The following RRM2 variants were observed in gnomAD, a reference collection of about 807,000 sequenced individuals.
RRM2 encodes ribonucleoside-diphosphate reductase subunit M2.
A neutral mutation model predicts 45.9 loss-of-function variants in RRM2; 6 were observed. That is an observed-to-expected ratio of 0.13 (90% CI 0.07 to 0.26). RRM2 has a LOEUF of 0.26. RRM2 is among the 10% of genes least tolerant of loss of function. The pLI, the probability that RRM2 is intolerant of heterozygous loss-of-function variation, is 1.00. For synonymous variants in RRM2, 177 were observed against 173.0 expected, an observed-to-expected ratio of 1.02 and a Z score of -0.18; for missense variants, 343 against 489.5, an observed-to-expected ratio of 0.70 and a Z score of 2.82.
At chr2:10,138,582 T>C (rs986370862), upstream of RRM2, among the ~76,000 whole-genome samples, 9 of 152,010 alleles carry the variant, frequency 5.9e-5, no homozygotes, top group Non-Finnish European at 1.2e-4. Flanking sequence ...ATTACAGGTG[T>C]GAGCCACTGC....
In RRM2 at chr2:10,195,733, G is replaced by A. The variant is rs1227716757; in HGVS notation, n.483-14578G>A. On this transcript the variant is annotated intron_variant and non_coding_transcript_variant, in intron 3 of 3. Transcript: ENST00000381786. This position sits in a 1 kb window ranked among gnomAD's most constrained non-coding sequence, Gnocchi z 4.9. ...CAGCAGCAGTGTTCTTGGGCCTCAG[G>A]GACGTGTCGTGACTGGCTGAAGGCT... 1.3e-5 allele frequency among the ~76,000 whole-genome samples: 2 copies of A among 152,172 alleles called. No homozygotes were observed. Among genetic ancestry groups the A allele is most frequent in the Admixed American group, 6.5e-5 (1 of 15,284 alleles).
chr2:10,153,754 C>T (rs1663367277), intron 3 of RRM2, among the ~76,000 whole-genome samples: 1 of 152,090 alleles, frequency 6.6e-6, no homozygotes, highest in African/African-American at 2.4e-5. Context: ...AGACAAGACC[C>T]AAAAGCACTG....
At chr2:10,144,354 C>G (rs1663146939) in intron 3 of RRM2, among the ~76,000 whole-genome samples, 1 of 152,222 alleles carries the variant, frequency 6.6e-6, no homozygotes, top group Non-Finnish European at 1.5e-5. Context: ...CCTTTGGAAC[C>G]TGTGCTGTGC....
chr2:10,145,866 A>C (rs979775938), intron 3 of RRM2: 3 of 152,250 alleles, frequency 2.0e-5, no homozygotes, highest in African/African-American at 7.2e-5. Flanking sequence ...GACAAAGCCC[A>C]TTGAGCCAGG....
intron 3 of RRM2, among the ~76,000 whole-genome samples, chr2:10,142,575 C>A (rs1220921005): frequency 6.6e-6 from 1 of 152,012 alleles, no homozygotes; most frequent in Non-Finnish European, 1.5e-5. Flanking sequence ...ATGTCCCTCA[C>A]CCCATGCCCC....
In RRM2 at chr2:10,122,999, G is replaced by A. The variant is rs1422925889; in HGVS notation, c.116G>A (p.Gly39Glu). ...TCCCCGCAGCCGCCGGCCCTGAGCG[G>A]GACCCGCGTCCTGGCCAGCAAGACC... is the stretch of plus-strand genomic sequence containing the variant. ...DKENTPPALS[G>E]TRVLASKTAR... The change falls in exon 2 of 10, where the codon GGG becomes GAG. Residue 39 changes from glycine (G) to glutamate (E), a missense_variant. Gly to Glu is a moderately conservative substitution (Grantham distance 98). Coordinates refer to ENST00000304567, the MANE Select transcript of RRM2 (RefSeq NM_001034.4). 1 of 1,561,232 alleles carries A rather than the reference G, an allele frequency of 6.4e-7. No homozygotes were observed. Among genetic ancestry groups the A allele is most frequent in the East Asian group, 2.3e-5 (1 of 43,214 alleles).
chr2:10,142,485 A>C (rs1572497972), intron 3 of RRM2: 1 of 1,133,112 alleles, frequency 8.8e-7, no homozygotes, highest in South Asian at 1.3e-5. Flanking sequence ...GCCCCCACGC[A>C]CCCCTGCCAG....
At chr2:10,165,278 T>TG (rs773629808) in intron 3 of RRM2, among the ~76,000 whole-genome samples, 3 of 152,194 alleles carry the variant, frequency 2.0e-5, no homozygotes, top group Non-Finnish European at 4.4e-5. Flanking sequence ...TCGGAACACT[T>TG]GCAGGGCCTT....
At chr2:10,144,283 A>G (rs1323511783) in intron 3 of RRM2, among the ~76,000 whole-genome samples, 1 of 152,236 alleles carries the variant, frequency 6.6e-6, no homozygotes, top group Non-Finnish European at 1.5e-5. Flanking sequence ...ACACTCTTCC[A>G]AGGTCAGAGA....
intron 3 of RRM2, among the ~76,000 whole-genome samples, chr2:10,183,493 G>A (rs1431852258): frequency 6.6e-6 from 1 of 152,244 alleles, no homozygotes; most frequent in Non-Finnish European, 1.5e-5. Context: ...TCCATGGCAA[G>A]GTCATTTTCC....
rs1037814404 is a variant in RRM2, at chr2:10,171,004, C to T, written n.482+28629C>T. The stretch of plus-strand genomic sequence containing the variant: ...CGGGGCTGCAAGCTCCTTTGAGATG[C>T]GGGGCTCAGGCCTCATCAGGGGAAA... On this transcript the variant is annotated intron_variant and non_coding_transcript_variant, in intron 3 of 3. Transcript: ENST00000381786. The surrounding 1 kb of genome is among the most constrained non-coding windows in gnomAD (Gnocchi z 4.1). Among the ~76,000 whole-genome samples the T allele has an allele frequency of 1.3e-5, 2 of 152,220 alleles. No individual in the cohort carries two copies. Among genetic ancestry groups the T allele is most frequent in the Admixed American group, 1.3e-4 (2 of 15,288 alleles).
Position 10,204,433 on chromosome 2 carries a change from G to A in RRM2, n.483-5878G>A, listed in dbSNP as rs1351284430. On this transcript the variant is annotated intron_variant and non_coding_transcript_variant, in intron 3 of 3. Coordinates refer to the RRM2 transcript ENST00000381786. The surrounding 1 kb of genome is among the most constrained non-coding windows in gnomAD (Gnocchi z 4.0). ...GAGGAGAGGGAGGAACGGTTGGTGG[G>A]CAGCTGCCACTCTGTCCACTGGCAG... is the stretch of plus-strand genomic sequence containing the variant. Among the ~76,000 whole-genome samples the A allele has an allele frequency of 6.6e-6, 1 of 152,194 alleles. No individual in the cohort carries two copies. Among genetic ancestry groups the A allele is most frequent in the Non-Finnish European group, 1.5e-5 (1 of 68,030 alleles).
At chr2:10,209,029 GTTTC>G (rs56795856) in intron 3 of RRM2, among the ~76,000 whole-genome samples, 28,775 of 135,456 alleles carry the variant, frequency 0.21, 2,977 homozygotes, top group Middle Eastern at 0.32. Context: ...GCAGAAAGTG[GTTTC>G]TTTCTTTCTT....
At chr2:10,132,868 G>A (rs976282572), downstream of RRM2, among the ~76,000 whole-genome samples, 2 of 151,940 alleles carry the variant, frequency 1.3e-5, no homozygotes, top group East Asian at 1.9e-4. Flanking sequence ...TGCTCCCCCC[G>A]GCCCCATGCC....
At chr2:10,159,843 A>C (rs1014299206) in intron 3 of RRM2, among the ~76,000 whole-genome samples, 1 of 152,062 alleles carries the variant, frequency 6.6e-6, no homozygotes, top group Non-Finnish European at 1.5e-5. Context: ...CCTGCCCCCC[A>C]GTTTCTCTGT....
intron 3 of RRM2, among the ~76,000 whole-genome samples, chr2:10,147,335 T>A (rs1415175332): frequency 1.3e-5 from 2 of 151,598 alleles, no homozygotes; most frequent in Non-Finnish European, 2.9e-5. Flanking sequence ...CAGGCAGGAG[T>A]GCAGTGGCAC....
At position 10,123,393 on chromosome 2, in the gene RRM2, AAAG is replaced by A. The variant is rs1490562241; in HGVS notation, c.182_184del (p.Lys61_Ala62delinsThr). ...TTATTTTCTCCCCCAACAGAAAACTAAAGCAGCTGCCCCCGGCGTGGAGGATGA... is the reference window on the plus strand; with the variant it reads ...TTATTTTCTCCCCCAACAGAAAACTACAGCTGCCCCCGGCGTGGAGGATGA... On this transcript the variant is annotated inframe_deletion, in exon 3 of 10. Transcript: ENST00000304567. The A allele has an allele frequency of 1.9e-6, 3 of 1,602,292 alleles. No individual in the cohort carries two copies. Among genetic ancestry groups the A allele is most frequent in the Non-Finnish European group, 2.5e-6 (3 of 1,176,988 alleles).
intron 3 of RRM2, among the ~76,000 whole-genome samples, chr2:10,190,792 T>C (rs1165670266): frequency 6.7e-6 from 1 of 150,354 alleles, no homozygotes; most frequent in Non-Finnish European, 1.5e-5. Context: ...GTGGTGGTGA[T>C]GGTGGGGTTG....
intron 3 of RRM2, among the ~76,000 whole-genome samples, chr2:10,190,161 GTGA>G (rs1292812980): frequency 3.1e-5 from 4 of 129,344 alleles, no homozygotes; most frequent in African/African-American, 5.0e-5. Context: ...GGTATTGGTG[GTGA>G]TGGTGGTGGT....
Sources: allele counts gnomAD v4.1 joint callset (sites outside exome capture counted in the v4.1 genomes callset), GRCh38; gene constraint gnomAD v4.1.1; non-coding constraint Gnocchi (gnomAD v3.1); transcripts MANE v1.5; gene names NCBI Gene and HGNC (gene_info 2026-07-23, HGNC 2026-07-21).